The following SPAG16 variants were observed in gnomAD, a reference collection of about 807,000 sequenced individuals.
SPAG16 encodes sperm associated antigen 16, also known as sperm-associated antigen 16 protein.
In SPAG16, 86 loss-of-function variants were observed where a neutral mutation model predicts 80.4. The ratio of observed to expected loss-of-function variants is 1.07; its 90% confidence interval spans 0.90 to 1.28. SPAG16 has a LOEUF of 1.28. Among genes scored for constraint, SPAG16 ranks in the 50% most tolerant of loss-of-function variants. The pLI is 0.00. For missense variants in SPAG16, 870 were observed against 765.3 expected (o/e 1.14, Z -1.61); for synonymous variants, 294 against 265.9 (o/e 1.11, Z -1.03).
chr2:214,093,586 C>A (rs941402556), intron 13 of SPAG16, among the ~76,000 whole-genome samples: 1 of 151,854 alleles, frequency 6.6e-6, no homozygotes, highest in Non-Finnish European at 1.5e-5. Flanking sequence ...TACTCATGCA[C>A]GCGTGTCTAT....
chr2:214,349,855 G>T (rs1007717684), intron 15 of SPAG16, among the ~76,000 whole-genome samples: 1 of 152,072 alleles, frequency 6.6e-6, no homozygotes, highest in Non-Finnish European at 1.5e-5. Flanking sequence ...TCATGTGCTC[G>T]TTGAGCATTT....
rs1278877731 is a variant in SPAG16 at position 214,219,612 on chromosome 2, C to T, written c.1720+70346C>T. Among the ~76,000 whole-genome samples, 3 of 152,112 alleles carry T rather than the reference C, an allele frequency of 2.0e-5. No homozygotes were observed. The East Asian group carries it at 5.8e-4, about 29-fold the overall frequency. ...AACAAGATAATTTATTGAGTACCTG[C>T]TCTGTGCCAGTTACTTTTTTAGGCA... On this transcript the variant is annotated intron_variant, in intron 15 of 15. Coordinates refer to ENST00000331683, the MANE Select transcript of SPAG16 (RefSeq NM_024532.5).
At chr2:213,705,142 G>A (rs571749480) in intron 10 of SPAG16, among the ~76,000 whole-genome samples, 7 of 152,228 alleles carry the variant, frequency 4.6e-5, no homozygotes, top group Middle Eastern at 3.4e-3. Flanking sequence ...CAGCTACTAG[G>A]GAGGCTGAGG....
intron 11 of SPAG16, among the ~76,000 whole-genome samples, chr2:213,895,913 CAAAAAAT>C (rs2106101549): frequency 6.7e-6 from 1 of 148,682 alleles, no homozygotes; most frequent in South Asian, 2.1e-4. Flanking sequence ...GCAACTAAAG[CAAAAAAT>C]AAAAAATAAA....
rs113340823 is a variant in SPAG16 at position 213,912,544 on chromosome 2, C to G, written c.1215-17416C>G. Among the ~76,000 whole-genome samples the G allele has an allele frequency of 2.6e-5, 4 of 152,220 alleles. 1 individual carries two copies. Among genetic ancestry groups the G allele is most frequent in the African/African-American group, 9.6e-5 (4 of 41,544 alleles). On this transcript the variant is annotated intron_variant, in intron 11 of 15. Coordinates refer to ENST00000331683, the MANE Select transcript of SPAG16 (RefSeq NM_024532.5). ...TACTTTCCTGGAAATAGTGTGCTTT[C>G]CCACCCCTAGAATTTCTGTTTGTGC...
At chr2:213,963,934 C>T (rs1268201683) in intron 12 of SPAG16, among the ~76,000 whole-genome samples, 7 of 152,132 alleles carry the variant, frequency 4.6e-5, no homozygotes, top group Middle Eastern at 3.4e-3. Context: ...AGTGTGTATT[C>T]GACAGACAAC....
intron 8 of SPAG16, among the ~76,000 whole-genome samples, chr2:213,374,701 C>T (rs905357459): frequency 6.6e-6 from 1 of 151,848 alleles, no homozygotes; most frequent in Non-Finnish European, 1.5e-5. Context: ...TTCTCTCCTC[C>T]ACCATCTTTA....
chr2:213,415,326 G>A (rs10932481), intron 9 of SPAG16, among the ~76,000 whole-genome samples: 40,969 of 152,154 alleles, frequency 0.27, 6,188 homozygotes, highest in Middle Eastern at 0.44. Context: ...TTGAAGCCAT[G>A]CTTAGGAATT....
intron 15 of SPAG16, among the ~76,000 whole-genome samples, chr2:214,269,490 ATTAT>A (rs1274422664): frequency 3.3e-5 from 5 of 151,980 alleles, no homozygotes; most frequent in Non-Finnish European, 7.4e-5. Flanking sequence ...AAATGACATT[ATTAT>A]TTATTTTTTG....
intron 15 of SPAG16, among the ~76,000 whole-genome samples, chr2:214,300,205 T>C (rs1694446674): frequency 6.6e-6 from 1 of 152,126 alleles, no homozygotes; most frequent in South Asian, 2.1e-4. Context: ...TGTTTCAAAT[T>C]TTGCTTACAA....
intron 12 of SPAG16, among the ~76,000 whole-genome samples, chr2:213,992,669 C>CA (rs887664754): frequency 6.6e-6 from 1 of 151,916 alleles, no homozygotes; most frequent in Non-Finnish European, 1.5e-5. Context: ...ATAATAGGTG[C>CA]AAAAATTGCA....
intron 13 of SPAG16, among the ~76,000 whole-genome samples, chr2:214,024,252 G>A (rs1459983312): frequency 6.6e-6 from 1 of 151,542 alleles, no homozygotes; most frequent in Non-Finnish European, 1.5e-5. Flanking sequence ...TTGAGTAGAA[G>A]TAATATGGGC....
At chr2:213,833,459 TA>T (rs2073809455) in intron 10 of SPAG16, among the ~76,000 whole-genome samples, 1 of 15,040 alleles carries the variant, frequency 6.6e-5, no homozygotes, top group African/African-American at 3.8e-4. Flanking sequence ...ATATATTATA[TA>T]TATATTATAT....
intron 9 of SPAG16, among the ~76,000 whole-genome samples, chr2:213,442,821 A>G (rs2071056192): frequency 6.6e-6 from 1 of 152,168 alleles, no homozygotes; most frequent in African/African-American, 2.4e-5. Flanking sequence ...CTAGAATATA[A>G]CAGAAAATCT....
At chr2:213,529,867 T>G (rs991289729) in intron 10 of SPAG16, among the ~76,000 whole-genome samples, 2 of 152,246 alleles carry the variant, frequency 1.3e-5, no homozygotes, top group African/African-American at 4.8e-5. Context: ...TTTTTCTATT[T>G]TTAAAATGCT....
At chr2:214,138,006 G>A (rs1343176726) in intron 14 of SPAG16, among the ~76,000 whole-genome samples, 1 of 152,040 alleles carries the variant, frequency 6.6e-6, no homozygotes, top group Non-Finnish European at 1.5e-5. Context: ...CTATAGAGGA[G>A]GGAAAGATCA....
intron 10 of SPAG16, among the ~76,000 whole-genome samples, chr2:213,599,666 A>G (rs973549991): frequency 6.6e-6 from 1 of 152,146 alleles, no homozygotes; most frequent in African/African-American, 2.4e-5. Context: ...CTTGTCCGCA[A>G]GAAGGCTATT....
chr2:213,721,070 C>A (rs1039796697), intron 10 of SPAG16, among the ~76,000 whole-genome samples: 2 of 150,572 alleles, frequency 1.3e-5, no homozygotes, highest in Non-Finnish European at 3.0e-5. Context: ...GTTCTTAAAA[C>A]ATTTTCTATC....
intron 10 of SPAG16, among the ~76,000 whole-genome samples, chr2:213,554,597 T>C (rs1016910952): frequency 7.9e-5 from 12 of 151,742 alleles, no homozygotes; most frequent in African/African-American, 2.9e-4. Context: ...TGAACTTCAA[T>C]AAAATACAGA....
Sources: allele counts gnomAD v4.1 joint callset (sites outside exome capture counted in the v4.1 genomes callset), GRCh38; gene constraint gnomAD v4.1.1; transcripts MANE v1.5; gene names NCBI Gene and HGNC (gene_info 2026-07-23, HGNC 2026-07-21).